Variants in TRIM33 observed in about 807,000 individuals in gnomAD.
TRIM33 encodes the protein tripartite motif containing 33.
In TRIM33, 20 loss-of-function variants were observed where a neutral mutation model predicts 125.4. The observed-to-expected ratio is 0.16, with a 90% confidence interval of 0.11 to 0.23. The LOEUF (loss-of-function observed/expected upper bound fraction) is 0.23. Among genes scored for constraint, TRIM33 ranks in the 10% least tolerant of loss-of-function variants. The pLI, the probability that TRIM33 is intolerant of heterozygous loss-of-function variation, is 1.00. For missense variants in TRIM33, 920 were observed against 1,411.4 expected, an observed-to-expected ratio of 0.65 and a Z score of 5.58; for synonymous variants, 564 against 513.9, an observed-to-expected ratio of 1.10 and a Z score of -1.32.
chr1:114,442,695 A>G (rs868703669), intron 4 of TRIM33, among the ~76,000 whole-genome samples: 78 of 148,524 alleles, frequency 5.3e-4, no homozygotes, highest in African/African-American at 1.9e-3. Flanking sequence ...CTCAAAAAAA[A>G]AAAAAAAAAG....
At chr1:114,471,487 C>T (rs962937743) in intron 1 of TRIM33, among the ~76,000 whole-genome samples, 5 of 147,412 alleles carry the variant, frequency 3.4e-5, no homozygotes, top group Admixed American at 3.4e-4. Context: ...TAAATAAACA[C>T]AATTTCCATA....
At chr1:114,463,970 T>C (rs923785925) in intron 2 of TRIM33, among the ~76,000 whole-genome samples, 3 of 151,954 alleles carry the variant, frequency 2.0e-5, no homozygotes, top group Admixed American at 2.0e-4. Flanking sequence ...AGTCTCACTA[T>C]GTTGCCCAAG....
chr1:114,488,457 T>C (rs1651849753), intron 1 of TRIM33, among the ~76,000 whole-genome samples: 1 of 152,090 alleles, frequency 6.6e-6, no homozygotes, highest in Admixed American at 6.5e-5. Context: ...AACACAATAA[T>C]GTAAGTACAT....
chr1:114,467,255 G>C (rs1650359444), intron 1 of TRIM33, among the ~76,000 whole-genome samples: 1 of 152,180 alleles, frequency 6.6e-6, no homozygotes, highest in Non-Finnish European at 1.5e-5. Context: ...GGAGTACTAA[G>C]AGTTACAATG....
chr1:114,445,649 T>C (rs1557870009), intron 4 of TRIM33, among the ~76,000 whole-genome samples: 2 of 151,784 alleles, frequency 1.3e-5, no homozygotes, highest in Non-Finnish European at 2.9e-5. Context: ...AAAAACTCCA[T>C]GGTCAAAAGG....
intron 1 of TRIM33, among the ~76,000 whole-genome samples, chr1:114,509,471 G>GA (rs1433164446): frequency 6.6e-6 from 1 of 152,018 alleles, no homozygotes; most frequent in African/African-American, 2.4e-5. Context: ...GACCTTGCCA[G>GA]AAAAAAGAAA....
At chr1:114,407,990 G>T (rs907412115) in intron 13 of TRIM33, among the ~76,000 whole-genome samples, 1 of 152,028 alleles carries the variant, frequency 6.6e-6, no homozygotes, top group East Asian at 1.9e-4. Context: ...GATTATTAAC[G>T]GTTGCCATCA....
intron 1 of TRIM33, among the ~76,000 whole-genome samples, chr1:114,499,078 C>T (rs574524302): frequency 7.2e-4 from 110 of 152,268 alleles, no homozygotes; most frequent in African/African-American, 2.5e-3. Context: ...GCATCAGCAA[C>T]ACTGATTTAA....
At chr1:114,428,890 T>C (rs949500534) in intron 6 of TRIM33, among the ~76,000 whole-genome samples, 12 of 152,190 alleles carry the variant, frequency 7.9e-5, no homozygotes, top group African/African-American at 2.4e-4. Flanking sequence ...AGTCTCACTC[T>C]GTCCCCCAGG....
chr1:114,468,504 A>G, intron 1 of TRIM33: 2 of 391,798 alleles, frequency 5.1e-6, no homozygotes, highest in Non-Finnish European at 5.0e-6. Context: ...CAGTAGGGAA[A>G]AAGGTGCTTC....
chr1:114,453,481 T>C (rs1421956484), intron 4 of TRIM33, among the ~76,000 whole-genome samples: 2 of 152,218 alleles, frequency 1.3e-5, no homozygotes, highest in Non-Finnish European at 2.9e-5. Context: ...TAGAGGGTTC[T>C]TGCTACTAAA....
chr1:114,481,662 T>C (rs1019595005), intron 1 of TRIM33, among the ~76,000 whole-genome samples: 1 of 118,596 alleles, frequency 8.4e-6, no homozygotes, highest in Non-Finnish European at 1.9e-5. Context: ...TGTGTGTGTG[T>C]ATATATATGT....
chr1:114,400,014 CAG>C (rs1651773840), intron 17 of TRIM33, among the ~76,000 whole-genome samples: 1 of 151,562 alleles, frequency 6.6e-6, no homozygotes, highest in Non-Finnish European at 1.5e-5. Flanking sequence ...GAAAACATAA[CAG>C]GGAATATCAT....
chr1:114,405,295 C>T (rs1370678023), intron 15 of TRIM33, 115 bp downstream of exon 15: 1 of 748,926 alleles, frequency 1.3e-6, no homozygotes, highest in African/African-American at 1.8e-5. Context: ...AACAGGCTCC[C>T]TGTTTTATAG....
At chr1:114,474,643 G>T (rs1014480885) in intron 1 of TRIM33, among the ~76,000 whole-genome samples, 1 of 151,052 alleles carries the variant, frequency 6.6e-6, no homozygotes, top group African/African-American at 2.4e-5. Flanking sequence ...CAGCACTTTG[G>T]GAGGCCAAGA....
At chr1:114,477,200 G>A (rs1165130450) in intron 1 of TRIM33, among the ~76,000 whole-genome samples, 1 of 151,854 alleles carries the variant, frequency 6.6e-6, no homozygotes, top group African/African-American at 2.4e-5. Context: ...AAAACTATAT[G>A]GTTATATAAA....
Position 114,510,662 on chromosome 1 carries a change from C to T in TRIM33, c.415G>A (p.Glu139Lys). Residue 139 changes from glutamate (E) to lysine (K), a missense_variant, in exon 1 of 20, where the codon GAG becomes AAG. Physicochemically the swap from Glu to Lys is moderately conservative, Grantham distance 56. This residue lies in a region of TRIM33 where 75 missense variants were observed against 123.9 expected (regional missense o/e 0.61). Coordinates refer to ENST00000358465, the MANE Select transcript of TRIM33 (RefSeq NM_015906.4). The part of the protein sequence containing the change: ...QQSLQSRREA[E>K]PKLLPCLHSF... ...TGAAGACAGGGCAGCAGCTTGGGCT[C>T]CGCCTCACGCCGGCTCTGCAAGCTC... The T allele has an allele frequency of 6.4e-7, 1 of 1,555,128 alleles. No homozygotes were observed.
Position 114,427,171 on chromosome 1 carries a change from T to C in TRIM33, c.1420+6A>G, listed in dbSNP as rs1647642683. The C allele has an allele frequency of 7.2e-7, 1 of 1,398,458 alleles. No homozygotes were observed. The highest frequency in any genetic ancestry group is 1.8e-5 in the Admixed American group (1 of 54,976). The allele number at this position is 1,398,458 out of a possible 1,614,324, so 86.6% of individuals were successfully genotyped here. ...AGTTATATTCATAAAACTCATTATT[T>C]CTCACCTAAATTGACTACATTCTTT... On this transcript the variant is annotated splice_donor_region_variant and intron_variant, in intron 8 of 19. Coordinates refer to ENST00000358465, the MANE Select transcript of TRIM33 (RefSeq NM_015906.4).
intron 16 of TRIM33, among the ~76,000 whole-genome samples, chr1:114,402,403 T>C (rs964270406): frequency 6.6e-6 from 1 of 152,200 alleles, no homozygotes; most frequent in Non-Finnish European, 1.5e-5. Flanking sequence ...TCATTTCTAA[T>C]AGGTTTCTAA....
Sources: allele counts gnomAD v4.1 joint callset (sites outside exome capture counted in the v4.1 genomes callset), GRCh38; gene constraint gnomAD v4.1.1; regional missense constraint gnomAD v4.1.1; transcripts MANE v1.5; gene names NCBI Gene and HGNC (gene_info 2026-07-23, HGNC 2026-07-21).